NEDD4L: variants seen among roughly 807,000 people sequenced by gnomAD.
NEDD4L encodes the protein E3 ubiquitin-protein ligase NEDD4-like.
A neutral mutation model predicts 148.9 loss-of-function variants in NEDD4L; 54 were observed. That is an observed-to-expected ratio of 0.36 (90% confidence interval 0.29 to 0.45). The LOEUF (loss-of-function observed/expected upper bound fraction) is 0.45, where lower values mean the gene tolerates loss of function less well. NEDD4L is among the 20% of genes least tolerant of loss of function. The pLI, the probability that NEDD4L is intolerant of heterozygous loss-of-function variation, is 1.00. For synonymous variants in NEDD4L, 433 were observed against 440.7 expected (o/e 0.98, Z 0.22); for missense variants, 856 against 1,233.8 (o/e 0.69, Z 4.59).
rs8093767 is a variant in NEDD4L at position 58,243,497 on chromosome 18, T to C, written c.123-1930T>C. Among the ~76,000 whole-genome samples the C allele has an allele frequency of 9.1e-3, 1,384 of 152,334 alleles. 25 individuals carry two copies. The highest frequency in any genetic ancestry group is 0.032 in the African/African-American group (1,316 of 41,570). On this transcript the variant is annotated intron_variant, in intron 2 of 30. Coordinates refer to ENST00000400345, the MANE Select transcript of NEDD4L (RefSeq NM_001144967.3). ...GTGTTAGGAATGCAGATTCTTGGGT[T>C]CTACCCCGGATTGAATTCAGATTTG...
intron 2 of NEDD4L, among the ~76,000 whole-genome samples, chr18:58,213,674 A>C (rs145911092): frequency 1.3e-5 from 2 of 152,048 alleles, no homozygotes; most frequent in Non-Finnish European, 2.9e-5. Context: ...TTTTTTTCCT[A>C]TGAAGGAAGC....
chr18:58,274,205 A>AT (rs2051512714), intron 5 of NEDD4L, among the ~76,000 whole-genome samples: 1 of 152,136 alleles, frequency 6.6e-6, no homozygotes, highest in Admixed American at 6.5e-5. Context: ...CCATCCAACT[A>AT]TAGTCACATA....
At chr18:58,078,669 A>G (rs1266550441) in intron 1 of NEDD4L, among the ~76,000 whole-genome samples, 3 of 152,242 alleles carry the variant, frequency 2.0e-5, no homozygotes, top group Admixed American at 1.3e-4. Flanking sequence ...AACAATATGT[A>G]CAATGGAACA....
rs529441456 is a variant in NEDD4L at position 58,069,269 on chromosome 18, A to G, written c.48+24561A>G. Among the ~76,000 whole-genome samples the G allele has an allele frequency of 1.6e-4, 24 of 152,300 alleles. No individual in the cohort carries two copies. The East Asian group carries it at 1.9e-3, about 12-fold the overall frequency. Reference sequence around the variant, plus strand: ...TCATGCCCTTCCTCAGCAAGTGTCAACAGTGTGGGAGTGCAGTTGATAAAG... The same window carrying G: ...TCATGCCCTTCCTCAGCAAGTGTCAGCAGTGTGGGAGTGCAGTTGATAAAG... On this transcript the variant is annotated intron_variant, in intron 1 of 30. Coordinates refer to ENST00000400345, the MANE Select transcript of NEDD4L (RefSeq NM_001144967.3).
intron 1 of NEDD4L, among the ~76,000 whole-genome samples, chr18:58,067,278 A>C (rs1436624901): frequency 1.3e-5 from 2 of 152,246 alleles, no homozygotes; most frequent in African/African-American, 4.8e-5. Flanking sequence ...TACCATTCTT[A>C]CAAGTGTTTG....
intron 2 of NEDD4L, among the ~76,000 whole-genome samples, chr18:58,239,808 T>A (rs971940305): frequency 7.2e-5 from 11 of 152,212 alleles, no homozygotes; most frequent in African/African-American, 2.7e-4. Flanking sequence ...GAATAAGATT[T>A]CCATCTCTGA....
At chr18:58,395,695 G>A (rs145965954) in intron 30 of NEDD4L, among the ~76,000 whole-genome samples, 86 of 152,222 alleles carry the variant, frequency 5.6e-4, no homozygotes, top group South Asian at 1.5e-3. Flanking sequence ...TCTGCTCCAG[G>A]AGCTCCTGTG....
chr18:58,180,358 C>T (rs1319681484), intron 2 of NEDD4L, among the ~76,000 whole-genome samples: 3 of 152,212 alleles, frequency 2.0e-5, no homozygotes, highest in African/African-American at 7.2e-5. Flanking sequence ...GTGCAGGTCT[C>T]TGTGGTGGCA....
At chr18:58,385,650 G>C in intron 26 of NEDD4L, 64 bp downstream of exon 26, 2 of 1,333,958 alleles carry the variant, frequency 1.5e-6, no homozygotes, top group Non-Finnish European at 2.2e-6. Context: ...GGGGGATCGC[G>C]CTTCTCCTTT....
chr18:58,367,940 A>G (rs2046333133), intron 22 of NEDD4L, 73 bp downstream of exon 22: 1 of 1,524,676 alleles, frequency 6.6e-7, no homozygotes, highest in Non-Finnish European at 9.0e-7. Flanking sequence ...CTTTCGCATC[A>G]TGGGTTTTTA....
intron 5 of NEDD4L, among the ~76,000 whole-genome samples, chr18:58,263,646 T>C (rs2049777905): frequency 6.8e-6 from 1 of 146,634 alleles, no homozygotes; most frequent in South Asian, 2.2e-4. Flanking sequence ...TGATAATAAA[T>C]CCTACTTCTT....
At chr18:58,335,415 T>C in intron 12 of NEDD4L, 63 bp from the exon 13 acceptor site, 1 of 1,378,148 alleles carries the variant, frequency 7.3e-7, no homozygotes, top group Admixed American at 1.7e-5. Context: ...CAGTGGGCCC[T>C]GATTCAGACA....
At chr18:58,228,500 C>T (rs112566322) in intron 2 of NEDD4L, among the ~76,000 whole-genome samples, 2 of 152,334 alleles carry the variant, frequency 1.3e-5, no homozygotes, top group East Asian at 1.9e-4. Context: ...CACAATAGTT[C>T]GTTGTAGGTT....
At chr18:58,347,226 C>CCCCCCCT (rs1568793163) in intron 16 of NEDD4L, among the ~76,000 whole-genome samples, 2 of 119,648 alleles carry the variant, frequency 1.7e-5, no homozygotes, top group African/African-American at 3.2e-5. Context: ...CCCCCCCCCC[C>CCCCCCCT]CTTTAAATCA....
At chr18:58,369,118 C>G (rs373617169) in intron 22 of NEDD4L, among the ~76,000 whole-genome samples, 1 of 152,200 alleles carries the variant, frequency 6.6e-6, no homozygotes, top group African/African-American at 2.4e-5. Flanking sequence ...GAAGGGAGTG[C>G]ATTGAGTCCT....
intron 14 of NEDD4L, 35 bp downstream of exon 14, chr18:58,341,204 C>T (rs1217727192): frequency 6.2e-7 from 1 of 1,605,380 alleles, no homozygotes; most frequent in Non-Finnish European, 8.5e-7. Context: ...AAACCGCAGG[C>T]CATAGAAGCC....
chr18:58,100,487 C>G (rs891346739), intron 1 of NEDD4L, among the ~76,000 whole-genome samples: 1 of 152,166 alleles, frequency 6.6e-6, no homozygotes, highest in Non-Finnish European at 1.5e-5. Context: ...TTTTGAACGC[C>G]AAGACCTTAT....
intron 11 of NEDD4L, among the ~76,000 whole-genome samples, chr18:58,331,760 G>C (rs1000967300): frequency 2.0e-5 from 3 of 152,100 alleles, no homozygotes; most frequent in Non-Finnish European, 4.4e-5. Context: ...AAAAAAAATA[G>C]TCATTACTAT....
intron 2 of NEDD4L, among the ~76,000 whole-genome samples, chr18:58,183,127 C>T (rs2039040099): frequency 6.6e-6 from 1 of 152,228 alleles, no homozygotes; most frequent in South Asian, 2.1e-4. Flanking sequence ...ACAGCAGTCA[C>T]TGAAGAAATG....
Sources: allele counts gnomAD v4.1 joint callset (sites outside exome capture counted in the v4.1 genomes callset), GRCh38; gene constraint gnomAD v4.1.1; transcripts MANE v1.5; gene names NCBI Gene and HGNC (gene_info 2026-07-23, HGNC 2026-07-21).